GABRB3: variants seen among roughly 807,000 people sequenced by gnomAD.
GABRB3 encodes the protein gamma-aminobutyric acid receptor subunit beta-3.
A neutral mutation model predicts 52.1 loss-of-function variants in GABRB3; 14 were observed. The ratio of observed to expected loss-of-function variants is 0.27; its 90% CI spans 0.18 to 0.42. The LOEUF is 0.42. Ranked by LOEUF, GABRB3 falls within the 10% of genes least tolerant of loss-of-function variation. The probability of loss-of-function intolerance (pLI) is 1.00; values close to 1 mark genes in which losing one functional copy is unlikely to be tolerated. For missense variants in GABRB3, 307 were observed against 609.1 expected (o/e 0.50, Z 5.22); for synonymous variants, 260 against 232.3 (o/e 1.12, Z -1.08).
At chr15:26,551,593 T>TG (rs1889465926) in intron 8 of GABRB3, among the ~76,000 whole-genome samples, 1 of 152,166 alleles carries the variant, frequency 6.6e-6, no homozygotes, top group Non-Finnish European at 1.5e-5. Context: ...TCCTGTCCCC[T>TG]GTGAGCTCCT....
At chr15:26,640,254 AT>A (rs2140570720) in intron 3 of GABRB3, among the ~76,000 whole-genome samples, 1 of 152,306 alleles carries the variant, frequency 6.6e-6, no homozygotes, top group Admixed American at 6.5e-5. Context: ...GCGGTGGCTC[AT>A]GCCTGTAATA....
At chr15:26,663,358 T>A (rs1887608043) in intron 3 of GABRB3, among the ~76,000 whole-genome samples, 3 of 152,228 alleles carry the variant, frequency 2.0e-5, no homozygotes, top group Admixed American at 2.0e-4. Flanking sequence ...TGTGAATTTG[T>A]CTGTTTCTCC....
chr15:26,668,940 C>T (rs1009077318), intron 3 of GABRB3, among the ~76,000 whole-genome samples: 4 of 152,156 alleles, frequency 2.6e-5, no homozygotes, highest in African/African-American at 9.7e-5. Flanking sequence ...AAAAGCAAGG[C>T]TAAGATTAAT....
chr15:26,632,729 G>T (rs1436356960), intron 3 of GABRB3, among the ~76,000 whole-genome samples: 1 of 152,178 alleles, frequency 6.6e-6, no homozygotes, highest in East Asian at 1.9e-4. Flanking sequence ...TGACACCCTT[G>T]CCATGTGCCT....
At chr15:26,773,104 G>A (rs1891204706), upstream of GABRB3, 69 of 876,636 alleles carry the variant, frequency 7.9e-5, no homozygotes, top group South Asian at 3.1e-3. Flanking sequence ...GAGGGGAGGA[G>A]GGGGAGGAGC....
intron 3 of GABRB3, among the ~76,000 whole-genome samples, chr15:26,664,583 A>AT (rs1213444563): frequency 1.1e-4 from 17 of 151,822 alleles, no homozygotes; most frequent in African/African-American, 4.1e-4. Context: ...GGTACCTCAT[A>AT]GTTGCATATA....
At chr15:26,697,885 C>A (rs1441302301) in intron 3 of GABRB3, among the ~76,000 whole-genome samples, 1 of 152,160 alleles carries the variant, frequency 6.6e-6, no homozygotes. Context: ...AGCAGAACTC[C>A]GGGCTCTTAT....
chr15:26,617,164 T>C (rs1364789332), intron 4 of GABRB3, among the ~76,000 whole-genome samples: 1 of 152,164 alleles, frequency 6.6e-6, no homozygotes, highest in Non-Finnish European at 1.5e-5. Flanking sequence ...AAGGAGGAAC[T>C]GGTACCATTC....
At chr15:26,606,805 TATAGATAGATAG>T (rs59223052) in intron 4 of GABRB3, among the ~76,000 whole-genome samples, 40 of 118,052 alleles carry the variant, frequency 3.4e-4, no homozygotes, top group East Asian at 8.3e-4. Context: ...TAGATATATC[TATAGATAGATAG>T]ATAGATAGAT....
chr15:26,766,084 A>G (rs1163416196), intron 3 of GABRB3, among the ~76,000 whole-genome samples: 2 of 152,230 alleles, frequency 1.3e-5, no homozygotes, highest in Non-Finnish European at 2.9e-5. Flanking sequence ...TAATACCTGA[A>G]GCATTTTATA....
chr15:26,647,477 A>G (rs1887048752), intron 3 of GABRB3, among the ~76,000 whole-genome samples: 1 of 152,116 alleles, frequency 6.6e-6, no homozygotes, highest in Admixed American at 6.6e-5. Flanking sequence ...TAAATGTTTC[A>G]TGGTTTCAGA....
chr15:26,670,300 C>T (rs1422223528), intron 3 of GABRB3, among the ~76,000 whole-genome samples: 1 of 152,078 alleles, frequency 6.6e-6, no homozygotes, highest in African/African-American at 2.4e-5. Flanking sequence ...AAGAGGGGCC[C>T]GGGACACAGT....
intron 3 of GABRB3, among the ~76,000 whole-genome samples, chr15:26,704,441 C>T (rs1259100128): frequency 6.6e-6 from 1 of 152,162 alleles, no homozygotes; most frequent in Non-Finnish European, 1.5e-5. Context: ...TCCTTTTATC[C>T]GTACTAATCT....
intron 3 of GABRB3, among the ~76,000 whole-genome samples, chr15:26,770,490 A>C (rs1595362230): frequency 6.6e-6 from 1 of 152,370 alleles, no homozygotes; most frequent in Middle Eastern, 3.4e-3. Context: ...AATTAGGCAA[A>C]CACTGATGAA....
chr15:26,773,734 C>T, upstream of GABRB3: 2 of 1,558,360 alleles, frequency 1.3e-6, no homozygotes, highest in Non-Finnish European at 1.7e-6. Flanking sequence ...TGGCGCTGTT[C>T]CTCCGGCCTA....
chr15:26,597,782 A>C (rs935847810), intron 4 of GABRB3, among the ~76,000 whole-genome samples: 1 of 152,246 alleles, frequency 6.6e-6, no homozygotes, highest in African/African-American at 2.4e-5. Context: ...CAGAGTATGA[A>C]GCCACCAGGA....
intron 3 of GABRB3, among the ~76,000 whole-genome samples, chr15:26,713,685 G>A (rs1477672130): frequency 6.6e-6 from 1 of 152,206 alleles, no homozygotes; most frequent in African/African-American, 2.4e-5. Flanking sequence ...GCAACACGCT[G>A]TTTCCATAAG....
chr15:26,636,823 C>T (rs560733055), intron 3 of GABRB3, among the ~76,000 whole-genome samples: 1 of 152,310 alleles, frequency 6.6e-6, no homozygotes, highest in African/African-American at 2.4e-5. Context: ...CATTCTTCAT[C>T]AATCTGTCTG....
At chr15:26,629,232 G>C in intron 3 of GABRB3, 16 of 1,396,672 alleles carry the variant, frequency 1.1e-5, no homozygotes, top group East Asian at 2.6e-5. Context: ...CTGGAAAGGA[G>C]GGCAGCGCGG....
Sources: allele counts gnomAD v4.1 joint callset (sites outside exome capture counted in the v4.1 genomes callset), GRCh38; gene constraint gnomAD v4.1.1; transcripts MANE v1.5; gene names NCBI Gene and HGNC (gene_info 2026-07-23, HGNC 2026-07-21).